Variants in COBL observed in about 807,000 individuals in gnomAD.
COBL encodes the protein protein cordon-bleu.
A neutral mutation model predicts 98.8 loss-of-function variants in COBL; 51 were observed. The observed-to-expected ratio is 0.52, with a 90% CI of 0.41 to 0.65. COBL has a LOEUF of 0.65. COBL is among the 30% of genes least tolerant of loss of function. The pLI is 0.00. For missense variants in COBL, 1,617 were observed against 1,617.5 expected, an observed-to-expected ratio of 1.00 and a Z score of 0.01; for synonymous variants, 634 against 651.7, an observed-to-expected ratio of 0.97 and a Z score of 0.41.
chr7:51,100,970 C>T (rs1464615104), intron 6 of COBL, among the ~76,000 whole-genome samples: 1 of 151,992 alleles, frequency 6.6e-6, no homozygotes, highest in East Asian at 1.9e-4. Flanking sequence ...AAATTGTTTA[C>T]CCAACTTGAA....
Position 51,025,161 on chromosome 7 carries a change from T to C in COBL, c.3716A>G (p.Gln1239Arg). ...GTLSNTADARQALMDAIRSGT... is the reference protein window; with the variant it reads ...GTLSNTADARRALMDAIRSGT... ...GGAGCGGATGGCGTCCATCAAGGCT[T>C]GCCTTGCGTCTGCGGTGTTGCTGAG... The change falls in exon 12 of 13, where the codon CAA becomes CGA. Residue 1239 changes from glutamine to arginine, a missense_variant. By Grantham distance (43) the Gln-to-Arg change is conservative. Transcript: ENST00000265136. 1 of 1,586,068 alleles carries C rather than the reference T, an allele frequency of 6.3e-7. No individual in the cohort carries two copies. Among genetic ancestry groups the C allele is most frequent in the Non-Finnish European group, 8.6e-7 (1 of 1,164,226 alleles).
chr7:51,244,678 G>A (rs1796127363), intron 1 of COBL, among the ~76,000 whole-genome samples: 1 of 152,146 alleles, frequency 6.6e-6, no homozygotes, highest in Admixed American at 6.5e-5. Context: ...ACTGCCAGAG[G>A]AAACAGGCCC....
At chr7:51,223,290 C>T (rs2129093125) in intron 1 of COBL, among the ~76,000 whole-genome samples, 1 of 152,340 alleles carries the variant, frequency 6.6e-6, no homozygotes, top group Non-Finnish European at 1.5e-5. Flanking sequence ...CACGTGTACA[C>T]ATTAAAGTTA....
chr7:51,041,560 T>G (rs1169431829), intron 8 of COBL, among the ~76,000 whole-genome samples: 1 of 137,634 alleles, frequency 7.3e-6, no homozygotes, highest in African/African-American at 2.7e-5. Flanking sequence ...CTCGGTTCAC[T>G]GCAACCTCTG....
At chr7:51,063,895 T>A (rs1350104596) in intron 7 of COBL, among the ~76,000 whole-genome samples, 1 of 152,230 alleles carries the variant, frequency 6.6e-6, no homozygotes, top group Non-Finnish European at 1.5e-5. Flanking sequence ...CACTTTTTCT[T>A]TCAATATGAA....
At chr7:51,208,497 C>G (rs1792050210) in intron 2 of COBL, among the ~76,000 whole-genome samples, 1 of 150,944 alleles carries the variant, frequency 6.6e-6, no homozygotes, top group Non-Finnish European at 1.5e-5. Flanking sequence ...GGCGCCTCTG[C>G]CCGGCTGCCC....
At chr7:51,296,103 T>G (rs987573434) in intron 1 of COBL, among the ~76,000 whole-genome samples, 3 of 152,208 alleles carry the variant, frequency 2.0e-5, no homozygotes, top group Non-Finnish European at 4.4e-5. Flanking sequence ...ATGAAGCACT[T>G]TGCACATATC....
At chr7:51,294,375 G>A (rs918445700) in intron 1 of COBL, among the ~76,000 whole-genome samples, 1 of 150,800 alleles carries the variant, frequency 6.6e-6, no homozygotes, top group Admixed American at 6.6e-5. Flanking sequence ...GCTCATGCCT[G>A]TAATCCCAGT....
At chr7:51,082,194 G>T (rs1340878515) in intron 7 of COBL, among the ~76,000 whole-genome samples, 2 of 152,130 alleles carry the variant, frequency 1.3e-5, no homozygotes, top group Non-Finnish European at 2.9e-5. Flanking sequence ...CCTAACTAGA[G>T]GGCTGTGCAC....
At chr7:51,098,362 A>G (rs1308250766) in intron 6 of COBL, among the ~76,000 whole-genome samples, 1 of 152,044 alleles carries the variant, frequency 6.6e-6, no homozygotes, top group Non-Finnish European at 1.5e-5. Flanking sequence ...TTCTGGTTTC[A>G]AAACATATTA....
intron 1 of COBL, among the ~76,000 whole-genome samples, chr7:51,239,427 A>C (rs1008194027): frequency 4.6e-5 from 7 of 152,226 alleles, no homozygotes; most frequent in Non-Finnish European, 1.5e-5. Flanking sequence ...TATGTCAAAA[A>C]AGGGGGTGAA....
At chr7:51,073,300 G>A in intron 7 of COBL, 1 of 677,408 alleles carries the variant, frequency 1.5e-6, no homozygotes, top group Non-Finnish European at 2.7e-6. Context: ...CAGGGCAGAA[G>A]AGACACTGGG....
At position 51,030,803 on chromosome 7, in the gene COBL, G is replaced by C. The variant is rs1212707187; in HGVS notation, c.1504+9C>G. On this transcript the variant is annotated intron_variant, in intron 9 of 12. Transcript: ENST00000265136. ...ATAATATCAGAGTAGCGGATCAGGT[G>C]GTTCTTACCTTCCAGGTCTTCATCA... 1.9e-6 allele frequency: 3 copies of C among 1,571,550 alleles called. No individual in the cohort carries two copies. The highest frequency in any genetic ancestry group is 2.6e-6 in the Non-Finnish European group (3 of 1,142,350).
chr7:51,185,843 G>A (rs1012317474), intron 4 of COBL, among the ~76,000 whole-genome samples: 10 of 152,360 alleles, frequency 6.6e-5, no homozygotes, highest in Admixed American at 3.3e-4. Context: ...ACACAGGCGT[G>A]AACACTGATA....
At chr7:51,098,883 C>T (rs961193854) in intron 6 of COBL, among the ~76,000 whole-genome samples, 5 of 151,806 alleles carry the variant, frequency 3.3e-5, no homozygotes, top group African/African-American at 1.2e-4. Flanking sequence ...AATATATAGA[C>T]TATATAAAGA....
Position 51,252,916 on chromosome 7 carries a change from G to C in COBL, c.42-32972C>G, listed in dbSNP as rs562104616. Among the ~76,000 whole-genome samples, 3 of 152,272 alleles carry C rather than the reference G, an allele frequency of 2.0e-5. No homozygotes were observed. In the South Asian group the frequency reaches 6.2e-4, roughly 32 times the overall value. ...CTTGCCCAGGTCAAGGTTGCAAAATGATGATTTTTAAAATGCATAATTTTA... is the reference window on the plus strand; with the variant it reads ...CTTGCCCAGGTCAAGGTTGCAAAATCATGATTTTTAAAATGCATAATTTTA... On this transcript the variant is annotated intron_variant, in intron 1 of 12. Transcript: ENST00000265136.
intron 7 of COBL, among the ~76,000 whole-genome samples, chr7:51,054,862 T>C (rs1345977932): frequency 2.0e-5 from 3 of 152,182 alleles, no homozygotes; most frequent in Non-Finnish European, 2.9e-5. Context: ...GCTGGAAATA[T>C]AAGAAAACGG....
In COBL at chr7:51,044,148, A is replaced by G. The variant is rs1383080992; in HGVS notation, c.1097-456T>C. 8.5e-5 allele frequency among the ~76,000 whole-genome samples: 13 copies of G among 152,314 alleles called. No individual in the cohort carries two copies. In the East Asian group the frequency reaches 2.5e-3, roughly 29 times the overall value. ...TTTGGACACATCTGACGTGTATTTCATATTTGAAATCTGGCCTGGAAGATT... is the reference window on the plus strand; with the variant it reads ...TTTGGACACATCTGACGTGTATTTCGTATTTGAAATCTGGCCTGGAAGATT... On this transcript the variant is annotated intron_variant, in intron 7 of 12. Transcript: ENST00000265136.
chr7:51,130,971 G>A (rs2129000924), intron 6 of COBL, among the ~76,000 whole-genome samples: 1 of 152,248 alleles, frequency 6.6e-6, no homozygotes. Flanking sequence ...CAAGTGCAAG[G>A]CCTTGTGCAT....
Sources: allele counts gnomAD v4.1 joint callset (sites outside exome capture counted in the v4.1 genomes callset), GRCh38; gene constraint gnomAD v4.1.1; transcripts MANE v1.5; gene names NCBI Gene and HGNC (gene_info 2026-07-23, HGNC 2026-07-21).